The following MICAL3 variants were observed in gnomAD, a reference collection of about 807,000 sequenced individuals.
The protein encoded by MICAL3 is microtubule associated monooxygenase, calponin and LIM domain containing 3.
MICAL3 carries 62 observed loss-of-function variants against 207.4 expected under a neutral mutation model. The ratio of observed to expected loss-of-function variants is 0.30; its 90% CI spans 0.24 to 0.37. MICAL3 has a LOEUF of 0.37. Among genes scored for constraint, MICAL3 ranks in the 10% least tolerant of loss-of-function variants. The pLI, the probability that MICAL3 is intolerant of heterozygous loss-of-function variation, is 1.00. For missense variants in MICAL3, 2,368 were observed against 2,635.6 expected (o/e 0.90, Z 2.22); for synonymous variants, 1,077 against 1,069.3 (o/e 1.01, Z -0.14).
chr22:17,889,278 TA>T, intron 12 of MICAL3, 48 bp from the exon 13 acceptor site: 1 of 1,413,082 alleles, frequency 7.1e-7, no homozygotes, highest in Admixed American at 1.7e-5. Context: ...TGACAGTCCT[TA>T]AACAGAAACG....
rs755339826 is a variant in MICAL3, at chr22:17,819,054, G to A, written c.3607C>T (p.Leu1203Phe). Residue 1203 changes from leucine to phenylalanine, a missense_variant, in exon 26 of 32, where the codon CTC (leucine) becomes TTC (phenylalanine). Leu to Phe is a conservative substitution (Grantham distance 22). Around this residue, in one of 4 missense-constraint regions of MICAL3, gnomAD observed 1,770 missense variants for 1,863.2 expected, o/e 0.95. Coordinates refer to ENST00000441493, the MANE Select transcript of MICAL3 (RefSeq NM_015241.3). ...PEERLFPEPL[L>F]PKEKPKADAP... Reference sequence around the variant, plus strand: ...TCAGCTTTGGGCTTCTCTTTGGGGAGCAAAGGCTCAGGGAAAAGGCGCTCC... The same window carrying A: ...TCAGCTTTGGGCTTCTCTTTGGGGAACAAAGGCTCAGGGAAAAGGCGCTCC... 4.4e-5 allele frequency: 70 copies of A among 1,580,688 alleles called. No homozygotes were observed. The highest frequency in any genetic ancestry group is 5.8e-5 in the Non-Finnish European group (67 of 1,163,458).
chr22:17,896,211 T>C (rs779177019), intron 9 of MICAL3, 35 bp downstream of exon 9: 2 of 1,271,474 alleles, frequency 1.6e-6, no homozygotes, highest in Non-Finnish European at 2.2e-6. Flanking sequence ...TTCCCAGTTT[T>C]CTCATGAAAG....
At chr22:17,849,410 A>T (rs1303885373) in intron 19 of MICAL3, among the ~76,000 whole-genome samples, 1 of 152,152 alleles carries the variant, frequency 6.6e-6, no homozygotes, top group Non-Finnish European at 1.5e-5. Flanking sequence ...TCATGGCTCA[A>T]TGCAGACTCA....
intron 28 of MICAL3, among the ~76,000 whole-genome samples, chr22:17,810,250 GA>G (rs1569074283): frequency 1.3e-5 from 2 of 151,280 alleles, no homozygotes; most frequent in Non-Finnish European, 2.9e-5. Context: ...TTTTAGTAGA[GA>G]CGGGGGTTTC....
Position 17,864,769 on chromosome 22 carries a change from A to G in MICAL3, c.2605+130T>C, listed in dbSNP as rs2146139764. 3 of 1,613,928 alleles carry G rather than the reference A, an allele frequency of 1.9e-6. No individual in the cohort carries two copies. The Middle Eastern group carries it at 4.9e-4, about 266-fold the overall frequency. On this transcript the variant is annotated intron_variant, in intron 19 of 31. Coordinates refer to ENST00000441493, the MANE Select transcript of MICAL3 (RefSeq NM_015241.3). ...CAGCTGGCACATGAAAAAGGAGTCC[A>G]GAGGGTTTTGGGCCACTTGTTGCCC...
chr22:17,891,662 G>C, intron 11 of MICAL3, 30 bp from the exon 12 acceptor site: 2 of 1,607,272 alleles, frequency 1.2e-6, no homozygotes, highest in Non-Finnish European at 1.7e-6. Context: ...TATTATTGGA[G>C]GTGTGGTCAC....
intron 1 of MICAL3, among the ~76,000 whole-genome samples, chr22:17,980,444 A>G (rs78482190): frequency 0.01 from 1,588 of 152,318 alleles, 37 homozygotes; most frequent in African/African-American, 0.037. Context: ...AGCTGACTGC[A>G]CACACATCTG....
intron 1 of MICAL3, among the ~76,000 whole-genome samples, chr22:17,936,810 ATAG>A (rs2146329307): frequency 6.6e-6 from 1 of 152,282 alleles, no homozygotes; most frequent in South Asian, 2.1e-4. Flanking sequence ...CAAACAAAAA[ATAG>A]TAGGAGAGGC....
intron 17 of MICAL3, among the ~76,000 whole-genome samples, chr22:17,866,219 A>G (rs1438013779): frequency 6.6e-6 from 1 of 152,180 alleles, no homozygotes; most frequent in African/African-American, 2.4e-5. Context: ...CCTTGGCCTG[A>G]AGGGGGTCTT....
At chr22:17,860,421 G>A (rs770355899) in intron 19 of MICAL3, 32 of 985,332 alleles carry the variant, frequency 3.2e-5, no homozygotes, top group Admixed American at 1.2e-4. Context: ...TTGGGCTCTC[G>A]TACCGCCGCC....
chr22:17,891,127 C>G (rs188452505), intron 12 of MICAL3, among the ~76,000 whole-genome samples: 119 of 152,082 alleles, frequency 7.8e-4, no homozygotes, highest in African/African-American at 2.5e-3. Flanking sequence ...GACAGCTGGC[C>G]GAAATGAAGA....
intron 1 of MICAL3, among the ~76,000 whole-genome samples, chr22:17,955,776 C>T (rs1934582258): frequency 6.6e-6 from 1 of 152,178 alleles, no homozygotes; most frequent in Non-Finnish European, 1.5e-5. Flanking sequence ...CAACTTCCAG[C>T]CTAGAGTGGG....
At chr22:17,982,223 C>G (rs1403893205) in intron 1 of MICAL3, among the ~76,000 whole-genome samples, 2 of 152,216 alleles carry the variant, frequency 1.3e-5, no homozygotes, top group African/African-American at 4.8e-5. Context: ...TGTGGAAACA[C>G]AGCACAGCCC....
chr22:17,867,413 C>G (rs932258399), intron 17 of MICAL3, among the ~76,000 whole-genome samples: 7 of 152,220 alleles, frequency 4.6e-5, no homozygotes, highest in Non-Finnish European at 8.8e-5. Context: ...GAATAAGCCA[C>G]TCAGCTTTTG....
In MICAL3 at chr22:17,902,597, C is replaced by T. The variant is rs1471357720; in HGVS notation, c.589+34G>A. On this transcript the variant is annotated intron_variant, in intron 4 of 31. Coordinates refer to ENST00000441493, the MANE Select transcript of MICAL3 (RefSeq NM_015241.3). The surrounding 1 kb of genome is among the most constrained non-coding windows in gnomAD (Gnocchi z 4.5). The stretch of plus-strand genomic sequence containing the variant: ...CATCTTCCTCACCCATCAACACCCT[C>T]TCACGCCTTCTTCACTCCTCCAGTA... 2 of 1,319,470 alleles carry T rather than the reference C, an allele frequency of 1.5e-6. No homozygotes were observed. Among genetic ancestry groups the T allele is most frequent in the African/African-American group, 2.9e-5 (2 of 68,894 alleles). 81.7% of individuals were successfully genotyped at this position (1,319,470 alleles called of 1,614,324 possible). A position where few individuals can be genotyped will look rare whatever the true frequency, so the allele number is the denominator to read the frequency against.
rs758403580 is a variant in MICAL3, at chr22:17,871,880, G to A, written c.2385C>T (p.Ala795=). ...CGTAGGCCGAGAGGCGCAGGGTGGT[G>A]GCGCAGTACTCGCACTTGAAGCAGC... ...HRSCFKCEYC[A]TTLRLSAYAY... Residue 795 remains alanine (A), a synonymous_variant, in exon 17 of 32, where the codon GCC becomes GCT. Coordinates refer to ENST00000441493, the MANE Select transcript of MICAL3 (RefSeq NM_015241.3). 1.9e-6 allele frequency: 3 copies of A among 1,611,244 alleles called. No individual in the cohort carries two copies. Among genetic ancestry groups the A allele is most frequent in the Non-Finnish European group, 2.5e-6 (3 of 1,178,892 alleles).
intron 1 of MICAL3, among the ~76,000 whole-genome samples, chr22:17,980,223 G>A (rs182311585): frequency 8.8e-4 from 134 of 152,276 alleles, no homozygotes; most frequent in Non-Finnish European, 1.5e-3. Context: ...GCTAGAGGCC[G>A]AATTAGCATT....
At chr22:17,923,416 T>C (rs117353771) in intron 1 of MICAL3, among the ~76,000 whole-genome samples, 1,721 of 152,306 alleles carry the variant, frequency 0.011, 80 homozygotes, top group Admixed American at 0.071. Context: ...ATTTTTTTTC[T>C]ACAGAAGACT....
rs1931363242 is a variant in MICAL3 at position 17,902,027 on chromosome 22, C to G, written c.590-48G>C. ...TGGGGGTCACCACCCAGACCACATT[C>G]ACAGCCAGGACCATCTCTAGATACC... On this transcript the variant is annotated intron_variant, in intron 4 of 31. Transcript: ENST00000441493. The surrounding 1 kb of genome is among the most constrained non-coding windows in gnomAD (Gnocchi z 4.5). 7.3e-7 allele frequency: 1 copy of G among 1,369,606 alleles called. No homozygotes were observed. The highest frequency in any genetic ancestry group is 1.2e-5 in the South Asian group (1 of 80,968). The allele number at this position is 1,369,606 out of a possible 1,614,324, so 84.8% of individuals were successfully genotyped here.
Sources: gnomAD v4.1 joint callset for allele counts (sites outside exome capture counted in the v4.1 genomes callset) on GRCh38, gnomAD v4.1.1 for gene constraint, gnomAD v4.1.1 regional missense constraint, Gnocchi (gnomAD v3.1) non-coding constraint, MANE v1.5 for transcripts, NCBI Gene and HGNC (gene_info 2026-07-23, HGNC 2026-07-21) for gene names.